Variants in UTRN observed in about 807,000 individuals in gnomAD.
UTRN encodes the protein utrophin, also known as dystrophin-related protein 1.
A neutral mutation model predicts 463.9 loss-of-function variants in UTRN; 283 were observed. That is an observed-to-expected ratio of 0.61 (90% CI 0.55 to 0.67). The LOEUF (loss-of-function observed/expected upper bound fraction) is 0.67, where lower values mean the gene tolerates loss of function less well. Ranked by LOEUF, UTRN falls within the 30% of genes least tolerant of loss-of-function variation. The pLI, the probability that UTRN is intolerant of heterozygous loss-of-function variation, is 0.00. For synonymous variants in UTRN, 1,442 were observed against 1,431.5 expected, an observed-to-expected ratio of 1.01 and a Z score of -0.17; for missense variants, 3,922 against 4,084.3, an observed-to-expected ratio of 0.96 and a Z score of 1.08.
chr6:144,500,594 GAC>G (rs1375532163), intron 34 of UTRN, among the ~76,000 whole-genome samples: 1 of 152,080 alleles, frequency 6.6e-6, no homozygotes, highest in Non-Finnish European at 1.5e-5. Context: ...TAAAATCAAT[GAC>G]ACATATTTAC....
intron 16 of UTRN, among the ~76,000 whole-genome samples, chr6:144,447,998 A>C (rs1036339836): frequency 6.6e-6 from 1 of 152,202 alleles, no homozygotes; most frequent in Non-Finnish European, 1.5e-5. Context: ...GATTATACTT[A>C]GCCAATAAAT....
At chr6:144,822,307 A>G (rs1779670468) in intron 66 of UTRN, among the ~76,000 whole-genome samples, 1 of 152,126 alleles carries the variant, frequency 6.6e-6, no homozygotes, top group Admixed American at 6.6e-5. Flanking sequence ...GAACACAGCC[A>G]AAGCATAGGA....
At chr6:144,537,154 CAT>C (rs1797613042) in intron 43 of UTRN, among the ~76,000 whole-genome samples, 1 of 151,988 alleles carries the variant, frequency 6.6e-6, no homozygotes, top group Non-Finnish European at 1.5e-5. Flanking sequence ...AATGTGATAA[CAT>C]GTCATATAAT....
intron 51 of UTRN, among the ~76,000 whole-genome samples, chr6:144,661,968 G>T (rs1779911453): frequency 6.6e-6 from 1 of 151,970 alleles, no homozygotes; most frequent in African/African-American, 2.4e-5. Flanking sequence ...GCTTTTTCCT[G>T]TCAAAGGCTT....
intron 61 of UTRN, among the ~76,000 whole-genome samples, chr6:144,788,762 C>T (rs1776509752): frequency 6.6e-6 from 1 of 152,122 alleles, no homozygotes; most frequent in Non-Finnish European, 1.5e-5. Context: ...GTGGTTTCTC[C>T]ATGTTCGTCA....
At chr6:144,541,670 A>G (rs991094031) in intron 45 of UTRN, among the ~76,000 whole-genome samples, 1 of 152,198 alleles carries the variant, frequency 6.6e-6, no homozygotes, top group Non-Finnish European at 1.5e-5. Context: ...GGAATGCATT[A>G]AAGAGTGTGG....
intron 45 of UTRN, among the ~76,000 whole-genome samples, chr6:144,542,262 A>C (rs769607271): frequency 6.6e-6 from 1 of 152,204 alleles, no homozygotes; most frequent in Non-Finnish European, 1.5e-5. Context: ...AGATGTGGAC[A>C]TATCTGAATA....
At chr6:144,758,367 A>T (rs1792245409) in intron 58 of UTRN, 1 of 155,800 alleles carries the variant, frequency 6.4e-6, no homozygotes, top group Non-Finnish European at 1.4e-5. Context: ...ACATAATGAT[A>T]TTTGTCAAAT....
intron 51 of UTRN, among the ~76,000 whole-genome samples, chr6:144,628,864 G>A (rs190050039): frequency 3.9e-5 from 6 of 152,274 alleles, no homozygotes; most frequent in Admixed American, 2.0e-4. Flanking sequence ...TGCCCGGGCA[G>A]ATAGGAGGTT....
chr6:144,458,327 G>A (rs1350472170), intron 19 of UTRN, among the ~76,000 whole-genome samples: 2 of 152,068 alleles, frequency 1.3e-5, no homozygotes, highest in African/African-American at 4.8e-5. Context: ...CTGTGCTTTG[G>A]TCACCAAGAC....
intron 2 of UTRN, among the ~76,000 whole-genome samples, chr6:144,305,116 G>C (rs113428628): frequency 0.06 from 9,181 of 151,958 alleles, 904 homozygotes; most frequent in African/African-American, 0.21. Context: ...TGTATGTTTT[G>C]TAGAGACATG....
chr6:144,588,121 C>T (rs1802650104), intron 51 of UTRN, among the ~76,000 whole-genome samples: 1 of 152,090 alleles, frequency 6.6e-6, no homozygotes, highest in African/African-American at 2.4e-5. Flanking sequence ...CTAGTCAGGT[C>T]AAGATTACAG....
chr6:144,622,035 G>A lies in UTRN; in HGVS notation c.7479+44747G>A, dbSNP rs866218307. Among the ~76,000 whole-genome samples, 21 of 151,248 alleles carry A rather than the reference G, an allele frequency of 1.4e-4. No individual in the cohort carries two copies. In the South Asian group the frequency reaches 2.3e-3, roughly 16 times the overall value. ...ATATAAATAGATCTTCATTGTATTC[G>A]TGACATGTTTTATCACATTCTTCAT... On this transcript the variant is annotated intron_variant, in intron 51 of 74. Coordinates refer to ENST00000367545, the MANE Select transcript of UTRN (RefSeq NM_007124.3).
chr6:144,337,109 C>T (rs1302065214), intron 2 of UTRN, among the ~76,000 whole-genome samples: 1 of 151,880 alleles, frequency 6.6e-6, no homozygotes, highest in Non-Finnish European at 1.5e-5. Flanking sequence ...CCCTGCCACA[C>T]ACAACACACA....
intron 54 of UTRN, among the ~76,000 whole-genome samples, chr6:144,732,297 C>T (rs868583744): frequency 9.8e-5 from 10 of 102,068 alleles, no homozygotes; most frequent in Admixed American, 4.4e-4. Context: ...TATATATATA[C>T]ACATATATAT....
intron 2 of UTRN, among the ~76,000 whole-genome samples, chr6:144,300,996 G>A (rs1805192953): frequency 6.6e-6 from 1 of 151,838 alleles, no homozygotes; most frequent in African/African-American, 2.4e-5. Flanking sequence ...AGGGGTGGGA[G>A]GATGAATCTC....
Position 144,456,099 on chromosome 6 carries a change from T to TA in UTRN, c.2284+2236dup, listed in dbSNP as rs1336862461. Among the ~76,000 whole-genome samples the TA allele has an allele frequency of 5.3e-5, 8 of 152,290 alleles. No individual in the cohort carries two copies. In the South Asian group the frequency reaches 1.5e-3, roughly 28 times the overall value. On this transcript the variant is annotated intron_variant, in intron 19 of 74. Transcript: ENST00000367545. Reference sequence around the variant, plus strand: ...TTTTTTGTTTTAAAGATGCATCTATTAAAAAATTTTTTTTAGGACAACAGT... The same window carrying TA: ...TTTTTTGTTTTAAAGATGCATCTATTAAAAAAATTTTTTTTAGGACAACAGT...
intron 2 of UTRN, among the ~76,000 whole-genome samples, chr6:144,357,157 T>G (rs530246347): frequency 6.6e-6 from 1 of 152,148 alleles, no homozygotes; most frequent in Non-Finnish European, 1.5e-5. Flanking sequence ...GGTGTGGAAT[T>G]TGTAGACCAC....
At chr6:144,808,412 C>T (rs998706720) in intron 65 of UTRN, among the ~76,000 whole-genome samples, 4 of 151,880 alleles carry the variant, frequency 2.6e-5, no homozygotes, top group Admixed American at 6.6e-5. Flanking sequence ...TTAATTTCAT[C>T]GTGAAAATTA....
Sources: gnomAD v4.1 joint callset for allele counts (sites outside exome capture counted in the v4.1 genomes callset) on GRCh38, gnomAD v4.1.1 for gene constraint, MANE v1.5 for transcripts, NCBI Gene and HGNC (gene_info 2026-07-23, HGNC 2026-07-21) for gene names.